The following PAPSS1 variants were observed in gnomAD, a reference collection of about 807,000 sequenced individuals.
PAPSS1 encodes 3'-phosphoadenosine 5'-phosphosulfate synthase 1.
In PAPSS1, 50 loss-of-function variants were observed where a neutral mutation model predicts 72.0. That is an observed-to-expected ratio of 0.69 (90% confidence interval 0.55 to 0.88). PAPSS1 has a LOEUF of 0.88. Among genes scored for constraint, PAPSS1 ranks in the 40% least tolerant of loss-of-function variants. The pLI is 0.00. For synonymous variants in PAPSS1, 261 were observed against 263.6 expected (o/e 0.99, Z 0.09); for missense variants, 657 against 782.2 (o/e 0.84, Z 1.91).
intron 7 of PAPSS1, 82 bp from the exon 8 acceptor site, chr4:107,654,982 G>C: frequency 1.0e-6 from 1 of 973,292 alleles, no homozygotes; most frequent in South Asian, 1.5e-5. Context: ...CACTTCAGGG[G>C]ACACTTTTCA....
intron 5 of PAPSS1, among the ~76,000 whole-genome samples, chr4:107,664,572 C>A (rs1383284473): frequency 6.6e-6 from 1 of 152,112 alleles, no homozygotes; most frequent in Non-Finnish European, 1.5e-5. Context: ...TCTGCTTCCT[C>A]TGAAGAGATG....
Position 107,715,334 on chromosome 4 carries a change from T to G in PAPSS1, c.60+4786A>C, listed in dbSNP as rs549223375. ...GCTTCCCTTTTCATCAGGCAATTTT[T>G]TTAGTATCATCTTCCCAGGGTAGAA... On this transcript the variant is annotated intron_variant, in intron 1 of 11. Transcript: ENST00000265174. Among the ~76,000 whole-genome samples, 31 of 152,330 alleles carry G rather than the reference T, an allele frequency of 2.0e-4. No homozygotes were observed. In the South Asian group the frequency reaches 5.8e-3, roughly 29 times the overall value.
At chr4:107,699,557 T>C (rs770734807) in intron 2 of PAPSS1, among the ~76,000 whole-genome samples, 2 of 151,986 alleles carry the variant, frequency 1.3e-5, no homozygotes, top group East Asian at 1.9e-4. Context: ...AAAACGAAAA[T>C]GGATCTGTCC....
chr4:107,679,918 TG>T (rs1350148054), intron 5 of PAPSS1, among the ~76,000 whole-genome samples: 1 of 152,162 alleles, frequency 6.6e-6, no homozygotes, highest in Non-Finnish European at 1.5e-5. Flanking sequence ...ATGACAGAAT[TG>T]TTTTTTAATG....
At chr4:107,626,924 A>G (rs1195173794) in intron 11 of PAPSS1, among the ~76,000 whole-genome samples, 1 of 152,234 alleles carries the variant, frequency 6.6e-6, no homozygotes, top group East Asian at 1.9e-4. Flanking sequence ...AAGATTTGGT[A>G]ACCCCCAAAA....
At chr4:107,655,349 T>C (rs1303697574) in intron 7 of PAPSS1, among the ~76,000 whole-genome samples, 6 of 152,120 alleles carry the variant, frequency 3.9e-5, no homozygotes, top group African/African-American at 7.2e-5. Flanking sequence ...ATAACTACAA[T>C]TTATGTGGCA....
At chr4:107,714,804 C>G (rs1264253209) in intron 1 of PAPSS1, among the ~76,000 whole-genome samples, 2 of 152,086 alleles carry the variant, frequency 1.3e-5, no homozygotes, top group African/African-American at 4.8e-5. Context: ...GAGAACTACT[C>G]CTCAAAATTC....
chr4:107,700,332 G>A (rs144952130), intron 2 of PAPSS1, among the ~76,000 whole-genome samples: 54 of 152,274 alleles, frequency 3.5e-4, no homozygotes, highest in African/African-American at 1.3e-3. Context: ...ATTCACAGAA[G>A]TGAAAGCATC....
chr4:107,655,584 T>C (rs1286186806), intron 7 of PAPSS1, among the ~76,000 whole-genome samples: 3 of 152,236 alleles, frequency 2.0e-5, no homozygotes, highest in South Asian at 4.1e-4. Flanking sequence ...TCATCATCTA[T>C]GGGTTAGAAA....
chr4:107,671,305 GA>G (rs113167561), intron 5 of PAPSS1, among the ~76,000 whole-genome samples: 5 of 138,342 alleles, frequency 3.6e-5, no homozygotes, highest in Admixed American at 1.4e-4. Flanking sequence ...CCTCCCTGAA[GA>G]AAAAAAAAGA....
At chr4:107,654,461 A>T (rs569993555) in intron 8 of PAPSS1, among the ~76,000 whole-genome samples, 3 of 152,154 alleles carry the variant, frequency 2.0e-5, no homozygotes, top group Non-Finnish European at 2.9e-5. Flanking sequence ...TAGCATCAGC[A>T]CCTAGCTCAG....
At chr4:107,621,859 A>T (rs549914617) in intron 11 of PAPSS1, among the ~76,000 whole-genome samples, 1 of 151,002 alleles carries the variant, frequency 6.6e-6, no homozygotes, top group Admixed American at 6.6e-5. Context: ...TGATCTCCTG[A>T]CCTCGTAATC....
In PAPSS1 at chr4:107,644,747, T is replaced by C. The variant is rs578041703; in HGVS notation, c.1506+55A>G. On this transcript the variant is annotated intron_variant, in intron 10 of 11. Transcript: ENST00000265174. ...AGCAATCGGATGGTGACACTAGCTG[T>C]GTTAGTAAGAGTGGCTTTAACACTG... The C allele has an allele frequency of 1.6e-5, 25 of 1,518,378 alleles. No homozygotes were observed. In the East Asian group the frequency reaches 3.7e-4, roughly 22 times the overall value. The allele number at this position is 1,518,378 out of a possible 1,614,324, so 94.1% of individuals were successfully genotyped here.
At chr4:107,705,107 G>A (rs575081754) in intron 1 of PAPSS1, among the ~76,000 whole-genome samples, 9 of 152,294 alleles carry the variant, frequency 5.9e-5, no homozygotes, top group Admixed American at 1.3e-4. Flanking sequence ...AGGGACACTG[G>A]CCTGTGATTT....
chr4:107,686,020 A>G (rs779429927), intron 4 of PAPSS1, among the ~76,000 whole-genome samples: 6 of 152,208 alleles, frequency 3.9e-5, no homozygotes, highest in Non-Finnish European at 5.9e-5. Context: ...TGTTTTTGCC[A>G]GCAAGTCCTT....
At chr4:107,715,698 T>C (rs1418505566) in intron 1 of PAPSS1, among the ~76,000 whole-genome samples, 1 of 152,234 alleles carries the variant, frequency 6.6e-6, no homozygotes, top group Non-Finnish European at 1.5e-5. Flanking sequence ...CACTTTTCTG[T>C]CTTTTTACCA....
chr4:107,675,340 T>A (rs577694375), intron 5 of PAPSS1, among the ~76,000 whole-genome samples: 3 of 152,222 alleles, frequency 2.0e-5, no homozygotes, highest in Admixed American at 6.5e-5. Flanking sequence ...CAATAAAAAA[T>A]GATAAAGGGG....
rs1727175053 is a variant in PAPSS1 at position 107,661,250 on chromosome 4, G to A, written c.670-1178C>T. ...CAATAGGAACCCTCATTCATAGCTG[G>A]TGGGGATGCAAAATGGTACAGCTAC... On this transcript the variant is annotated intron_variant, in intron 5 of 11. Coordinates refer to ENST00000265174, the MANE Select transcript of PAPSS1 (RefSeq NM_005443.5). Among the ~76,000 whole-genome samples the A allele has an allele frequency of 2.6e-5, 4 of 152,100 alleles. No individual in the cohort carries two copies. The South Asian group carries it at 8.3e-4, about 31-fold the overall frequency.
At chr4:107,679,104 G>A (rs569363488) in intron 5 of PAPSS1, among the ~76,000 whole-genome samples, 15 of 152,248 alleles carry the variant, frequency 9.9e-5, no homozygotes, top group Admixed American at 9.1e-4. Flanking sequence ...GGAGGGGAAG[G>A]AGCACTGAGA....
Sources: allele counts gnomAD v4.1 joint callset (sites outside exome capture counted in the v4.1 genomes callset), GRCh38; gene constraint gnomAD v4.1.1; transcripts MANE v1.5; gene names NCBI Gene and HGNC (gene_info 2026-07-23, HGNC 2026-07-21).